DNAH1: variants seen among roughly 807,000 people sequenced by gnomAD.
The protein encoded by DNAH1 is axonemal beta dynein heavy chain 1.
Under a neutral mutation model 484.3 loss-of-function variants are expected in DNAH1, and 327 were observed. That is an observed-to-expected ratio of 0.68 (90% CI 0.62 to 0.74). DNAH1 has a LOEUF of 0.74. Among genes scored for constraint, DNAH1 ranks in the 30% least tolerant of loss-of-function variants. The pLI is 0.00. For missense variants in DNAH1, 5,052 were observed against 5,546.8 expected (o/e 0.91, Z 2.83); for synonymous variants, 2,192 against 2,191.9 (o/e 1.00, Z 0.00).
chr3:52,334,238 C>A (rs1473564531), intron 8 of DNAH1, among the ~76,000 whole-genome samples: 1 of 152,134 alleles, frequency 6.6e-6, no homozygotes, highest in African/African-American at 2.4e-5. Flanking sequence ...GGCAAGTATT[C>A]ATGTATCTAA....
At chr3:52,339,594 G>T (rs1701857928) in intron 8 of DNAH1, among the ~76,000 whole-genome samples, 1 of 152,064 alleles carries the variant, frequency 6.6e-6, no homozygotes, top group African/African-American at 2.4e-5. Flanking sequence ...AATTTTATCA[G>T]TTAAGATGCT....
rs1277780409 is a variant in DNAH1, at chr3:52,365,064, C to T, written c.5518+45C>T. 6 of 1,573,698 alleles carry T rather than the reference C, an allele frequency of 3.8e-6. 1 individual carries two copies. The highest frequency in any genetic ancestry group is 5.2e-6 in the Non-Finnish European group (6 of 1,156,162). On this transcript the variant is annotated intron_variant, in intron 34 of 77. Coordinates refer to ENST00000420323, the MANE Select transcript of DNAH1 (RefSeq NM_015512.5). ...TGTTCGTGGAGGGGCTGGCCATGGC[C>T]ACCTTGGAGTCCAGGTCAGGGGGAC...
chr3:52,388,762 T>C (rs1578194028), intron 58 of DNAH1, 44 bp from the exon 59 acceptor site: 1 of 1,609,930 alleles, frequency 6.2e-7, no homozygotes, highest in South Asian at 1.1e-5. Context: ...CCCAGGCCCC[T>C]AGCCCAGCCT....
chr3:52,322,782 A>G lies in DNAH1; in HGVS notation c.333+7A>G. On this transcript the variant is annotated splice_region_variant and intron_variant, in intron 2 of 77. Coordinates refer to ENST00000420323, the MANE Select transcript of DNAH1 (RefSeq NM_015512.5). ...AACCTTAGATCAACTTGGGGTGAGT[A>G]TGGCAGCCATCCCCTACCAAGCCTC... The G allele has an allele frequency of 1.3e-6, 2 of 1,586,988 alleles. No homozygotes were observed. The highest frequency in any genetic ancestry group is 1.7e-6 in the Non-Finnish European group (2 of 1,166,582).
Position 52,381,798 on chromosome 3 carries a change from C to T in DNAH1, c.7767C>T (p.Gly2589=), listed in dbSNP as rs771322797. 9 of 1,601,782 alleles carry T rather than the reference C, an allele frequency of 5.6e-6. No homozygotes were observed. Among genetic ancestry groups the T allele is most frequent in the South Asian group, 2.3e-5 (2 of 88,718 alleles). ...ATGCACTCCTGCTGGGCGTGGGTGG[C>T]AGCGGCCGCAGCTCCCTCACAAGGC... ...LGNALLLGVG[G]SGRSSLTRLA... is the part of the protein sequence containing the mutation. Residue 2589 remains glycine, a synonymous_variant, in exon 49 of 78, where the codon GGC becomes GGT. Coordinates refer to ENST00000420323, the MANE Select transcript of DNAH1 (RefSeq NM_015512.5). The surrounding 1 kb of genome is among the most constrained non-coding windows in gnomAD (Gnocchi z 4.1).
intron 8 of DNAH1, among the ~76,000 whole-genome samples, chr3:52,332,939 G>A (rs754506943): frequency 1.4e-4 from 22 of 151,960 alleles, no homozygotes; most frequent in Admixed American, 6.6e-4. Context: ...AGTGCCTGGA[G>A]TGCAGTGGGG....
chr3:52,378,702 G>C lies in DNAH1; in HGVS notation c.7299G>C (p.Lys2433Asn). Residue 2433 changes from lysine to asparagine, a missense_variant, in exon 47 of 78, where the codon AAG (lysine) becomes AAC (asparagine). This residue lies in a region of DNAH1 where 2,929 missense variants were observed against 3,409.4 expected (regional missense o/e 0.86). Transcript: ENST00000420323. Reference protein sequence around the residue: ...ITSQLLPTPAKSHYTFNLRDL... With the variant: ...ITSQLLPTPANSHYTFNLRDL... The stretch of plus-strand genomic sequence containing the variant: ...CCCAGCTGCTGCCCACTCCAGCCAA[G>C]TCCCACTACACCTTCAACCTGAGGG... The C allele has an allele frequency of 6.2e-7, 1 of 1,613,810 alleles. No homozygotes were observed. The highest frequency in any genetic ancestry group is 8.5e-7 in the Non-Finnish European group (1 of 1,179,870).
At chr3:52,384,640 C>A (rs1182144548) in intron 52 of DNAH1, 146 bp from the exon 53 acceptor site, 2 of 799,064 alleles carry the variant, frequency 2.5e-6, no homozygotes, top group Admixed American at 6.8e-5. Context: ...ACCTGGAGGT[C>A]GTGAGGCTCA....
At chr3:52,325,154 G>A (rs1335079908) in intron 3 of DNAH1, among the ~76,000 whole-genome samples, 1 of 152,186 alleles carries the variant, frequency 6.6e-6, no homozygotes, top group Non-Finnish European at 1.5e-5. Context: ...TCAGCAGCCT[G>A]GTGAGAGCAG....
intron 34 of DNAH1, among the ~76,000 whole-genome samples, chr3:52,365,514 T>C (rs939043529): frequency 6.6e-6 from 1 of 152,158 alleles, no homozygotes; most frequent in Non-Finnish European, 1.5e-5. Context: ...CACTGACTTG[T>C]TGCAAAGGCC....
At position 52,395,398 on chromosome 3, in the gene DNAH1, C is replaced by A; in HGVS notation, c.11059C>A (p.Leu3687Ile). Residue 3687 changes from leucine (L) to isoleucine (I), a missense_variant, in exon 69 of 78, where the codon CTC becomes ATC. By Grantham distance (5) the Leu-to-Ile change is conservative. Around this residue, in one of 4 missense-constraint regions of DNAH1, gnomAD observed 853 missense variants for 899.0 expected, o/e 0.95. Coordinates refer to ENST00000420323, the MANE Select transcript of DNAH1 (RefSeq NM_015512.5). This position sits in a 1 kb window ranked among gnomAD's most constrained non-coding sequence, Gnocchi z 4.4. ...ACCCGGCACAGACCCTGCTGCCGAC[C>A]TCTACAAGTTTGCCGAAGAAATGAA... The part of the protein sequence containing the change: ...LSPGTDPAAD[L>I]YKFAEEMKFS... 6.2e-7 allele frequency: 1 copy of A among 1,613,936 alleles called. No homozygotes were observed. Among genetic ancestry groups the A allele is most frequent in the Non-Finnish European group, 8.5e-7 (1 of 1,179,900 alleles).
chr3:52,349,433 C>A lies in DNAH1; in HGVS notation c.2526+13C>A, dbSNP rs769484089. 2.5e-6 allele frequency: 4 copies of A among 1,610,858 alleles called. No individual in the cohort carries two copies. In the East Asian group the frequency reaches 6.7e-5, roughly 27 times the overall value. On this transcript the variant is annotated intron_variant, in intron 14 of 77. Coordinates refer to ENST00000420323, the MANE Select transcript of DNAH1 (RefSeq NM_015512.5). ...GGAGGTGGATAGCGTAAGTGCCCACCTGCCCCGCCTCAGTGACCACAGCAG... is the reference window on the plus strand; with the variant it reads ...GGAGGTGGATAGCGTAAGTGCCCACATGCCCCGCCTCAGTGACCACAGCAG...
At position 52,388,723 on chromosome 3, in the gene DNAH1, C is replaced by T. The variant is rs571178856; in HGVS notation, c.9364-83C>T. The T allele has an allele frequency of 9.3e-6, 15 of 1,605,170 alleles. No individual in the cohort carries two copies. The African/African-American group carries it at 1.9e-4, about 20-fold the overall frequency. On this transcript the variant is annotated intron_variant, in intron 58 of 77. Transcript: ENST00000420323. ...GCTGTCCACACCCCCTCCCTGGCAA[C>T]CCCAGGTGCCACAGTGGGTAGGGCC...
At chr3:52,338,368 C>T (rs1334401890) in intron 8 of DNAH1, among the ~76,000 whole-genome samples, 1 of 152,166 alleles carries the variant, frequency 6.6e-6, no homozygotes, top group Non-Finnish European at 1.5e-5. Context: ...CTCGGCCACC[C>T]GAAGTGCTGG....
chr3:52,345,948 A>G (rs544609012), intron 10 of DNAH1, among the ~76,000 whole-genome samples: 1 of 152,104 alleles, frequency 6.6e-6, no homozygotes, highest in Non-Finnish European at 1.5e-5. Flanking sequence ...TCTCTTTCCA[A>G]TCCCTTTCCA....
chr3:52,398,336 C>T (rs943413313), intron 75 of DNAH1, among the ~76,000 whole-genome samples, 174 bp downstream of exon 75: 2 of 152,194 alleles, frequency 1.3e-5, no homozygotes, highest in Non-Finnish European at 2.9e-5. Context: ...TGCTGGAGTG[C>T]AGCGGTATGA....
At chr3:52,317,034 T>C (rs940428144) in intron 1 of DNAH1, among the ~76,000 whole-genome samples, 1 of 152,232 alleles carries the variant, frequency 6.6e-6, no homozygotes, top group African/African-American at 2.4e-5. Flanking sequence ...CTAATTGTTA[T>C]ATTGCAGCAC....
At chr3:52,359,098 A>T in intron 25 of DNAH1, 148 bp from the exon 26 acceptor site, 1 of 1,201,674 alleles carries the variant, frequency 8.3e-7, no homozygotes, top group Non-Finnish European at 1.1e-6. Context: ...CCAGAGCATA[A>T]GGGCTTCCCT....
At position 52,398,012 on chromosome 3, in the gene DNAH1, G is replaced by C; in HGVS notation, c.11959-20G>C. 6.2e-7 allele frequency: 1 copy of C among 1,610,686 alleles called. No homozygotes were observed. The highest frequency in any genetic ancestry group is 8.5e-7 in the Non-Finnish European group (1 of 1,178,134). ...AAGGGGGCCCAGCCTTGACCCCACA[G>C]TATTCCTTTGCCCCTGCAGATAGTG... On this transcript the variant is annotated intron_variant, in intron 74 of 77. Coordinates refer to ENST00000420323, the MANE Select transcript of DNAH1 (RefSeq NM_015512.5).
Sources: gnomAD v4.1 joint callset for allele counts (sites outside exome capture counted in the v4.1 genomes callset) on GRCh38, gnomAD v4.1.1 for gene constraint, gnomAD v4.1.1 regional missense constraint, Gnocchi (gnomAD v3.1) non-coding constraint, MANE v1.5 for transcripts, NCBI Gene and HGNC (gene_info 2026-07-23, HGNC 2026-07-21) for gene names.